PTPRN2: variants seen among roughly 807,000 people sequenced by gnomAD.
PTPRN2 encodes the protein receptor-type tyrosine-protein phosphatase N2.
PTPRN2 carries 74 observed loss-of-function variants against 118.8 expected under a neutral mutation model. That is an observed-to-expected ratio of 0.62 (90% CI 0.52 to 0.76). PTPRN2 has a LOEUF of 0.76. Among genes scored for constraint, PTPRN2 ranks in the 30% least tolerant of loss-of-function variants. The pLI is 0.00. For synonymous variants in PTPRN2, 641 were observed against 608.0 expected, an observed-to-expected ratio of 1.05 and a Z score of -0.80; for missense variants, 1,481 against 1,394.4, an observed-to-expected ratio of 1.06 and a Z score of -0.99.
At chr7:158,446,521 A>G (rs1366770101) in intron 2 of PTPRN2, among the ~76,000 whole-genome samples, 1 of 151,348 alleles carries the variant, frequency 6.6e-6, no homozygotes, top group East Asian at 2.0e-4. Context: ...AGCCACCCCC[A>G]GCGGGCAGAC....
At chr7:157,702,023 G>A (rs1798099170) in intron 12 of PTPRN2, among the ~76,000 whole-genome samples, 2 of 151,130 alleles carry the variant, frequency 1.3e-5, no homozygotes, top group Non-Finnish European at 3.0e-5. Flanking sequence ...GACGCGGGCT[G>A]TGCATTTATA....
intron 12 of PTPRN2, among the ~76,000 whole-genome samples, chr7:157,752,588 C>T (rs575896820): frequency 7.9e-5 from 12 of 152,362 alleles, no homozygotes; most frequent in African/African-American, 2.4e-4. Flanking sequence ...AGCCCATCCT[C>T]GTCTTATCAA....
intron 5 of PTPRN2, among the ~76,000 whole-genome samples, chr7:158,189,208 T>C (rs1448740756): frequency 6.6e-6 from 1 of 152,280 alleles, no homozygotes; most frequent in African/African-American, 2.4e-5. Flanking sequence ...ACCTCACGTC[T>C]GGCTGCTGAG....
In PTPRN2 at chr7:158,106,514, T is replaced by G. The variant is rs573521618; in HGVS notation, c.1643+4315A>C. Reference sequence around the variant, plus strand: ...CGTGTATCATCTGGAAGAAGCTATTTCCACCTTTTCTGACTCACTGTTTAT... The same window carrying G: ...CGTGTATCATCTGGAAGAAGCTATTGCCACCTTTTCTGACTCACTGTTTAT... On this transcript the variant is annotated intron_variant, in intron 10 of 22. Transcript: ENST00000389418. 3.3e-5 allele frequency among the ~76,000 whole-genome samples: 5 copies of G among 152,324 alleles called. No homozygotes were observed. The South Asian group carries it at 1.0e-3, about 32-fold the overall frequency.
chr7:158,275,462 G>A (rs1362992905), intron 3 of PTPRN2, among the ~76,000 whole-genome samples: 4 of 152,104 alleles, frequency 2.6e-5, no homozygotes, highest in Non-Finnish European at 4.4e-5. Flanking sequence ...CAAAGTGCCT[G>A]GAACAAAGCA....
intron 10 of PTPRN2, among the ~76,000 whole-genome samples, chr7:158,102,725 C>A (rs146897962): frequency 6.6e-6 from 1 of 152,054 alleles, no homozygotes; most frequent in South Asian, 2.1e-4. Flanking sequence ...CATTGCATCA[C>A]GCTTGAATCA....
rs144160020 is a variant in PTPRN2 at position 158,326,329 on chromosome 7, G to C, written c.164-9397C>G. 6.6e-4 allele frequency among the ~76,000 whole-genome samples: 100 copies of C among 152,338 alleles called. 1 individual carries two copies. The highest frequency in any genetic ancestry group is 1.2e-3 in the Non-Finnish European group (80 of 68,034). ...GTGCCAGTTCTTCATCCGAGACATC[G>C]CTCAGGAGCCCTGCTCTGGCTCAGG... On this transcript the variant is annotated intron_variant, in intron 2 of 22. Coordinates refer to ENST00000389418, the MANE Select transcript of PTPRN2 (RefSeq NM_002847.5).
chr7:158,052,899 C>T (rs1396673511), intron 11 of PTPRN2, among the ~76,000 whole-genome samples: 1 of 152,186 alleles, frequency 6.6e-6, no homozygotes, highest in Admixed American at 6.5e-5. Context: ...GACAAAGCTC[C>T]CTGGGCTACA....
At chr7:158,231,845 G>A (rs927594333) in intron 3 of PTPRN2, among the ~76,000 whole-genome samples, 17 of 151,988 alleles carry the variant, frequency 1.1e-4, no homozygotes, top group Non-Finnish European at 1.9e-4. Context: ...AAACACATGG[G>A]AATTAAACCT....
chr7:157,832,706 C>A lies in PTPRN2; in HGVS notation c.1788+65967G>T, dbSNP rs372462986. Among the ~76,000 whole-genome samples the A allele has an allele frequency of 5.9e-5, 9 of 152,320 alleles. No homozygotes were observed. The South Asian group carries it at 1.9e-3, about 32-fold the overall frequency. ...TCACAGTTTCCAAACACATATGCTTCGCGTGGGAATCTGGGGTTGATTCAA... is the reference window on the plus strand; with the variant it reads ...TCACAGTTTCCAAACACATATGCTTAGCGTGGGAATCTGGGGTTGATTCAA... On this transcript the variant is annotated intron_variant, in intron 12 of 22. Transcript: ENST00000389418.
At position 157,983,401 on chromosome 7, in the gene PTPRN2, TC is replaced by T. The variant is rs573317344; in HGVS notation, c.1724-84665del. 2.3e-3 allele frequency among the ~76,000 whole-genome samples: 338 copies of T among 144,178 alleles called. 6 individuals are homozygous for T. Among genetic ancestry groups the T allele is most frequent in the Non-Finnish European group, 3.2e-3 (214 of 66,478 alleles). 94.6% of individuals were successfully genotyped at this position (144,178 alleles called of 152,430 possible). ...AGGAGGGGAATGCAGAGTACTGGGT[TC>T]CCCCCTAAACCCCGAGTCATAGAGA... On this transcript the variant is annotated intron_variant, in intron 11 of 22. Transcript: ENST00000389418.
At chr7:157,669,548 C>T (rs1163969736) in intron 13 of PTPRN2, 1 of 490,612 alleles carries the variant, frequency 2.0e-6, no homozygotes, top group Non-Finnish European at 4.0e-6. Context: ...GCTGTAAGCA[C>T]AGCTCCTGCA....
At chr7:158,536,963 G>T (rs527399241) in intron 1 of PTPRN2, among the ~76,000 whole-genome samples, 1 of 152,198 alleles carries the variant, frequency 6.6e-6, no homozygotes, top group Non-Finnish European at 1.5e-5. Context: ...AAACTCCTAC[G>T]TGATGGTGTT....
At position 158,309,621 on chromosome 7, in the gene PTPRN2, C is replaced by A. The variant is rs2151069836; in HGVS notation, c.277+7198G>T. On this transcript the variant is annotated intron_variant, in intron 3 of 22. Coordinates refer to ENST00000389418, the MANE Select transcript of PTPRN2 (RefSeq NM_002847.5). ...AGATATCAAAAGATTAAGAGATATCCTTTATAAATACGGACATAAAAATTC... is the reference window on the plus strand; with the variant it reads ...AGATATCAAAAGATTAAGAGATATCATTTATAAATACGGACATAAAAATTC... 1.3e-5 allele frequency among the ~76,000 whole-genome samples: 2 copies of A among 152,196 alleles called. 1 individual carries two copies. The highest frequency in any genetic ancestry group is 4.2e-4 in the South Asian group (2 of 4,814).
At chr7:158,277,620 A>G (rs1242633159) in intron 3 of PTPRN2, among the ~76,000 whole-genome samples, 2 of 152,136 alleles carry the variant, frequency 1.3e-5, no homozygotes, top group East Asian at 3.9e-4. Flanking sequence ...GCCTTGCCAC[A>G]CTGCTGCACG....
intron 2 of PTPRN2, among the ~76,000 whole-genome samples, chr7:158,436,852 T>G (rs527430781): frequency 6.6e-6 from 1 of 152,344 alleles, no homozygotes; most frequent in South Asian, 2.1e-4. Context: ...TTTACTAATT[T>G]TAGAGTGATG....
chr7:158,181,757 T>C (rs1312754217), intron 5 of PTPRN2, among the ~76,000 whole-genome samples: 2 of 152,240 alleles, frequency 1.3e-5, no homozygotes, highest in Non-Finnish European at 2.9e-5. Context: ...TAGTCGTGAA[T>C]AATCTTTTGT....
intron 1 of PTPRN2, chr7:158,541,881 G>A (rs1448904910): frequency 6.6e-6 from 2 of 304,172 alleles, no homozygotes; most frequent in African/African-American, 2.3e-5. Context: ...CTCAGAACTG[G>A]CTAGCATGAG....
rs538444989 is a variant in PTPRN2, at chr7:157,674,226, G to A, written c.2001+8499C>T. Among the ~76,000 whole-genome samples the A allele has an allele frequency of 4.6e-5, 7 of 152,274 alleles. No individual in the cohort carries two copies. The East Asian group carries it at 7.7e-4, about 17-fold the overall frequency. On this transcript the variant is annotated intron_variant, in intron 13 of 22. Coordinates refer to ENST00000389418, the MANE Select transcript of PTPRN2 (RefSeq NM_002847.5). This position sits in a 1 kb window ranked among gnomAD's most constrained non-coding sequence, Gnocchi z 4.5. Reference sequence around the variant, plus strand: ...AGAGAGCCATGGAGAGCTCCGGGCCGAAGGGGACTTGGGCCTGGGAGAGAA... The same window carrying A: ...AGAGAGCCATGGAGAGCTCCGGGCCAAAGGGGACTTGGGCCTGGGAGAGAA...
Sources: gnomAD v4.1 joint callset for allele counts (sites outside exome capture counted in the v4.1 genomes callset) on GRCh38, gnomAD v4.1.1 for gene constraint, Gnocchi (gnomAD v3.1) non-coding constraint, MANE v1.5 for transcripts, NCBI Gene and HGNC (gene_info 2026-07-23, HGNC 2026-07-21) for gene names.